HTR1E: variants seen among roughly 807,000 people sequenced by gnomAD.
The protein encoded by HTR1E is 5-hydroxytryptamine receptor 1E, also known as 5-HT-1E.
HTR1E carries 3 observed loss-of-function variants against 3.4 expected under a neutral mutation model. The observed-to-expected ratio is 0.89, with a 90% CI of 0.41 to 2.31. The LOEUF (loss-of-function observed/expected upper bound fraction) is 2.31. Ranked by LOEUF, HTR1E falls within the 30% of genes most tolerant of loss-of-function variation. The probability of loss-of-function intolerance (pLI) is 0.05; values close to 1 mark genes in which losing one functional copy is unlikely to be tolerated. For missense variants in HTR1E, 392 were observed against 467.0 expected (o/e 0.84, Z 1.48); for synonymous variants, 170 against 182.8 (o/e 0.93, Z 0.56).
At chr6:86,979,665 A>G (rs1767684296) in intron 1 of HTR1E, among the ~76,000 whole-genome samples, 1 of 152,216 alleles carries the variant, frequency 6.6e-6, no homozygotes. Context: ...AATTAGGTGC[A>G]TGCCTGGATC....
intron 1 of HTR1E, among the ~76,000 whole-genome samples, chr6:86,948,800 A>G (rs62440827): frequency 0.036 from 5,540 of 152,292 alleles, 106 homozygotes; most frequent in Middle Eastern, 0.058. Context: ...AATGAGGCTC[A>G]GTTGAGAGGT....
At position 86,978,448 on chromosome 6, in the gene HTR1E, T is replaced by C. The variant is rs145727363; in HGVS notation, c.-185-36702T>C. 5.9e-5 allele frequency among the ~76,000 whole-genome samples: 9 copies of C among 152,318 alleles called. No homozygotes were observed. The East Asian group carries it at 1.5e-3, about 26-fold the overall frequency. On this transcript the variant is annotated intron_variant, in intron 1 of 1. Coordinates refer to ENST00000305344, the MANE Select transcript of HTR1E (RefSeq NM_000865.3). ...TCTCCTGGTAGGTGACTTGTAACCA[T>C]AGGAGAACCAGTCTGAATTCCAGGC... is the stretch of plus-strand genomic sequence containing the variant.
At chr6:86,978,965 G>A (rs763767572) in intron 1 of HTR1E, among the ~76,000 whole-genome samples, 2 of 152,194 alleles carry the variant, frequency 1.3e-5, no homozygotes, top group Non-Finnish European at 2.9e-5. Context: ...ACCCAAGAGA[G>A]TCTTGGAGAA....
chr6:86,971,215 A>G (rs73753623), intron 1 of HTR1E: 50,022 of 368,050 alleles, frequency 0.14, 3,996 homozygotes, highest in East Asian at 0.29. Flanking sequence ...GATTATTTTT[A>G]TAATCTAATC....
chr6:86,967,380 A>G lies in HTR1E; in HGVS notation c.-186+29557A>G, dbSNP rs947025982. On this transcript the variant is annotated intron_variant, in intron 1 of 1. Transcript: ENST00000305344. The stretch of plus-strand genomic sequence containing the variant: ...TTGTGCCAGTTCTCTTGTTTATATA[A>G]ATATCAATTCTCACTGTGAATTATT... Among the ~76,000 whole-genome samples, 5 of 152,172 alleles carry G rather than the reference A, an allele frequency of 3.3e-5. No individual in the cohort carries two copies. The East Asian group carries it at 7.7e-4, about 23-fold the overall frequency.
At chr6:86,961,302 G>A (rs1767403663) in intron 1 of HTR1E, among the ~76,000 whole-genome samples, 2 of 152,086 alleles carry the variant, frequency 1.3e-5, no homozygotes, top group African/African-American at 4.8e-5. Flanking sequence ...CCTACTGAAT[G>A]TGGATCCCAT....
chr6:86,948,920 GGAAGGAAGAGCCCAGA>G (rs1433460350), intron 1 of HTR1E, among the ~76,000 whole-genome samples: 1 of 152,102 alleles, frequency 6.6e-6, no homozygotes, highest in Non-Finnish European at 1.5e-5. Context: ...TTTACATGGA[GGAAGGAAGAGCCCAGA>G]GATGGAGAAA....
intron 1 of HTR1E, among the ~76,000 whole-genome samples, chr6:86,999,297 A>G (rs1231750636): frequency 1.3e-5 from 2 of 152,162 alleles, no homozygotes; most frequent in East Asian, 3.8e-4. Context: ...TTTCAAAAAT[A>G]GGTTTTAAGA....
At chr6:86,995,014 T>A (rs1767916231) in intron 1 of HTR1E, among the ~76,000 whole-genome samples, 1 of 151,930 alleles carries the variant, frequency 6.6e-6, no homozygotes, top group African/African-American at 2.4e-5. Flanking sequence ...TTATGATGAA[T>A]TCCCTTTAAA....
At chr6:86,960,256 AG>A (rs996826315) in intron 1 of HTR1E, among the ~76,000 whole-genome samples, 2 of 152,176 alleles carry the variant, frequency 1.3e-5, no homozygotes, top group African/African-American at 4.8e-5. Flanking sequence ...GAAGGACAGA[AG>A]GGGGATGAAT....
At chr6:87,014,827 A>T (rs1359849697) in intron 1 of HTR1E, among the ~76,000 whole-genome samples, 1 of 152,114 alleles carries the variant, frequency 6.6e-6, no homozygotes, top group African/African-American at 2.4e-5. Context: ...TAGGGGAGGG[A>T]TGGCATTAGG....
At chr6:86,979,496 T>C (rs1219087221) in intron 1 of HTR1E, among the ~76,000 whole-genome samples, 2 of 152,184 alleles carry the variant, frequency 1.3e-5, no homozygotes, top group Non-Finnish European at 2.9e-5. Context: ...TTTGGCCTGG[T>C]TGAGAGGACA....
chr6:86,991,836 C>G (rs1389543377), intron 1 of HTR1E, among the ~76,000 whole-genome samples: 2 of 152,128 alleles, frequency 1.3e-5, no homozygotes, highest in African/African-American at 2.4e-5. Context: ...AGAATAGACT[C>G]CAGTTGCAAA....
chr6:86,952,555 C>G (rs1041907737), intron 1 of HTR1E, among the ~76,000 whole-genome samples: 8 of 151,954 alleles, frequency 5.3e-5, no homozygotes, highest in Admixed American at 3.9e-4. Flanking sequence ...TAAAAGGTCT[C>G]CCTGCCATAT....
chr6:86,937,874 A>C, intron 1 of HTR1E, 51 bp downstream of exon 1: 1 of 152,280 alleles, frequency 6.6e-6, no homozygotes, highest in Admixed American at 6.6e-5. Context: ...TCTTACCCCC[A>C]CCCACTCCAG....
chr6:87,010,033 G>A (rs1176961196), intron 1 of HTR1E, among the ~76,000 whole-genome samples: 6 of 126,696 alleles, frequency 4.7e-5, no homozygotes, highest in East Asian at 5.9e-4. Flanking sequence ...CCTCCCTCCC[G>A]GACGGGGTGG....
intron 1 of HTR1E, among the ~76,000 whole-genome samples, chr6:87,002,813 C>T (rs1167621578): frequency 6.6e-6 from 1 of 152,138 alleles, no homozygotes; most frequent in Middle Eastern, 3.2e-3. Flanking sequence ...CAGGAGCACA[C>T]AGATATATAA....
chr6:86,949,572 A>T (rs1408449), intron 1 of HTR1E, among the ~76,000 whole-genome samples: 95,002 of 151,856 alleles, frequency 0.63, 30,007 homozygotes, highest in Admixed American at 0.71. Flanking sequence ...CATCCACATA[A>T]TTGAACATTT....
At chr6:86,974,952 G>A (rs192775318) in intron 1 of HTR1E, among the ~76,000 whole-genome samples, 18 of 152,146 alleles carry the variant, frequency 1.2e-4, no homozygotes, top group Admixed American at 2.6e-4. Flanking sequence ...AAGATCATTC[G>A]CATTTTCTCT....
Sources: allele counts gnomAD v4.1 joint callset (sites outside exome capture counted in the v4.1 genomes callset), GRCh38; gene constraint gnomAD v4.1.1; transcripts MANE v1.5; gene names NCBI Gene and HGNC (gene_info 2026-07-23, HGNC 2026-07-21).